SUN5: variants seen among roughly 807,000 people sequenced by gnomAD.
SUN5 encodes SUN domain-containing protein 5.
A neutral mutation model predicts 53.7 loss-of-function variants in SUN5; 44 were observed. The observed-to-expected ratio is 0.82, with a 90% CI of 0.64 to 1.05. The LOEUF is 1.05. SUN5 is among the 50% of genes least tolerant of loss of function. The pLI, the probability that SUN5 is intolerant of heterozygous loss-of-function variation, is 0.00. For synonymous variants in SUN5, 166 were observed against 179.8 expected (o/e 0.92, Z 0.62); for missense variants, 433 against 483.8 (o/e 0.90, Z 0.98).
chr20:32,997,500 G>A, intron 6 of SUN5, 138 bp downstream of exon 6: 1 of 803,600 alleles, frequency 1.2e-6, no homozygotes, highest in Non-Finnish European at 2.0e-6. Context: ...TACGATGAAG[G>A]GTGAGATTTG....
chr20:32,991,231 T>C (rs897499093), intron 8 of SUN5, among the ~76,000 whole-genome samples: 10 of 152,222 alleles, frequency 6.6e-5, no homozygotes, highest in African/African-American at 2.2e-4. Flanking sequence ...CGAGCTCTAG[T>C]TGATCCCCGA....
At position 32,985,082 on chromosome 20, in the gene SUN5, C is replaced by A; in HGVS notation, c.984+17G>T. 1.2e-6 allele frequency: 2 copies of A among 1,613,686 alleles called. No homozygotes were observed. Among genetic ancestry groups the A allele is most frequent in the Middle Eastern group, 1.6e-4 (1 of 6,062 alleles). On this transcript the variant is annotated intron_variant, in intron 12 of 12. Coordinates refer to ENST00000356173, the MANE Select transcript of SUN5 (RefSeq NM_080675.4). ...GCATTCAGCAGGTGCTCAGCACAGG[C>A]AGCTCTTCGCAGGTACCTGGAGTGG...
At chr20:33,004,116 G>T in intron 1 of SUN5, 148 bp downstream of exon 1, 1 of 792,224 alleles carries the variant, frequency 1.3e-6, no homozygotes, top group Non-Finnish European at 1.8e-6. Flanking sequence ...GGGAGACTTT[G>T]GGAATACCAC....
At chr20:33,001,544 T>TTCTTTCTTTCTTTCTTTCTTTC (rs1568970875) in intron 3 of SUN5, among the ~76,000 whole-genome samples, 92 of 138,704 alleles carry the variant, frequency 6.6e-4, no homozygotes, top group African/African-American at 2.8e-3. Context: ...CTTTCTTTCT[T>TTCTTTCTTTCTTTCTTTCTTTC]TCTTTCTTTC....
intron 1 of SUN5, 63 bp downstream of exon 1, chr20:33,004,201 G>T (rs113174388): frequency 6.7e-7 from 1 of 1,481,920 alleles, no homozygotes. Flanking sequence ...CAAGGACAGG[G>T]TGGAGGGGCA....
At chr20:32,997,823 A>G in intron 5 of SUN5, 136 bp from the exon 6 acceptor site, 1 of 778,986 alleles carries the variant, frequency 1.3e-6, no homozygotes, top group South Asian at 1.7e-5. Flanking sequence ...GAATTACTTA[A>G]TGCTCTATGC....
At position 32,985,857 on chromosome 20, in the gene SUN5, C is replaced by G; in HGVS notation, c.776G>C (p.Gly259Ala). Residue 259 changes from glycine (G) to alanine (A), a missense_variant, in exon 11 of 13, where the codon GGC (glycine) becomes GCC (alanine). By Grantham distance (60) the Gly-to-Ala change is moderately conservative (BLOSUM62 0). Coordinates refer to ENST00000356173, the MANE Select transcript of SUN5 (RefSeq NM_080675.4). ...CTGAGCCAATTGGATGGTCACCTGGCCGCGGTCACCCTCAAAGGCCCAGCA... is the reference window on the plus strand; with the variant it reads ...CTGAGCCAATTGGATGGTCACCTGGGCGCGGTCACCCTCAAAGGCCCAGCA... ...GNCWAFEGDRGQVTIQLAQKV... is the reference protein window; with the variant it reads ...GNCWAFEGDRAQVTIQLAQKV... 6.2e-7 allele frequency: 1 copy of G among 1,614,050 alleles called. No individual in the cohort carries two copies. The highest frequency in any genetic ancestry group is 8.5e-7 in the Non-Finnish European group (1 of 1,179,968).
intron 5 of SUN5, among the ~76,000 whole-genome samples, chr20:32,999,374 C>A (rs1739323919): frequency 1.3e-5 from 2 of 152,174 alleles, no homozygotes; most frequent in Non-Finnish European, 2.9e-5. Flanking sequence ...GTGGGTGGAT[C>A]ATGAGGTCAG....
intron 1 of SUN5, 140 bp downstream of exon 1, chr20:33,004,124 C>T: frequency 1.1e-6 from 1 of 892,440 alleles, no homozygotes; most frequent in Non-Finnish European, 1.5e-6. Context: ...TTGGGAATAC[C>T]ACTGCCAAAC....
At position 32,983,851 on chromosome 20, in the gene SUN5, G is replaced by A; in HGVS notation, c.1083C>T (p.Gly361=). The A allele has an allele frequency of 1.3e-6, 2 of 1,598,510 alleles. No individual in the cohort carries two copies. Among genetic ancestry groups the A allele is most frequent in the Non-Finnish European group, 1.7e-6 (2 of 1,172,032 alleles). The part of the protein sequence containing the change: ...FTCLYRVRVH[G]SVAPPREQPH... ...GCTGCTCTCTGGGCGGGGCCACAGA[G>A]CCATGCACTCGCACGCGGTACAGGC... Residue 361 remains glycine (G), a synonymous_variant, in exon 13 of 13, where the codon GGC becomes GGT. Coordinates refer to ENST00000356173, the MANE Select transcript of SUN5 (RefSeq NM_080675.4).
intron 5 of SUN5, among the ~76,000 whole-genome samples, chr20:32,998,118 C>T (rs150186404): frequency 0.036 from 4,657 of 130,362 alleles, 101 homozygotes; most frequent in Non-Finnish European, 0.05. Flanking sequence ...GCAGGCAGAT[C>T]ACTTAAGCCC....
rs2146344095 is a variant in SUN5, at chr20:33,004,371, A to G, written c.-31T>C. 1 of 1,534,270 alleles carries G rather than the reference A, an allele frequency of 6.5e-7. No homozygotes were observed. The highest frequency in any genetic ancestry group is 8.8e-7 in the Non-Finnish European group (1 of 1,138,518). On this transcript the variant is annotated 5_prime_UTR_variant, in exon 1 of 13. Transcript: ENST00000356173. ...TCCTTCTTTAGGATTGGGGATGGAGATGGGAACTCTGGGAGCTGGTGAGGA... is the reference window on the plus strand; with the variant it reads ...TCCTTCTTTAGGATTGGGGATGGAGGTGGGAACTCTGGGAGCTGGTGAGGA...
intron 6 of SUN5, 101 bp from the exon 7 acceptor site, chr20:32,996,459 A>T: frequency 9.4e-7 from 1 of 1,062,350 alleles, no homozygotes; most frequent in Non-Finnish European, 1.4e-6. Flanking sequence ...AAACCCATAC[A>T]TTCATCCACT....
chr20:32,995,473 T>C, intron 8 of SUN5, 146 bp downstream of exon 8: 1 of 659,862 alleles, frequency 1.5e-6, no homozygotes, highest in Non-Finnish European at 2.7e-6. Context: ...AAAAATATAC[T>C]TCTTTCACTG....
In SUN5 at chr20:33,001,225, A is replaced by G; in HGVS notation, c.265T>C (p.Phe89Leu). 1 of 1,575,660 alleles carries G rather than the reference A, an allele frequency of 6.3e-7. No homozygotes were observed. Among genetic ancestry groups the G allele is most frequent in the Non-Finnish European group, 8.6e-7 (1 of 1,158,192 alleles). ...TTCCCTGCTCACCTGCACGTGTTAA[A>G]CAGAACCTGCTGGGCCTGAGTTCTC... ...SLRTQAQQVL[F>L]NTCRCKLLCQ... is the part of the protein sequence containing the mutation. Residue 89 changes from phenylalanine (F) to leucine (L), a missense_variant, in exon 4 of 13, where the codon TTT (phenylalanine) becomes CTT (leucine). Transcript: ENST00000356173.
chr20:32,988,559 G>A (rs1600490733), intron 9 of SUN5, among the ~76,000 whole-genome samples: 6 of 151,786 alleles, frequency 4.0e-5, no homozygotes, highest in Admixed American at 3.3e-4. Flanking sequence ...TTATTCTTCC[G>A]GAAGCACTGA....
chr20:33,003,071 G>A, intron 1 of SUN5, 152 bp from the exon 2 acceptor site: 2 of 842,574 alleles, frequency 2.4e-6, no homozygotes, highest in Non-Finnish European at 3.7e-6. Flanking sequence ...ACCCAGGTCT[G>A]GCTGACCCCA....
Position 33,001,565 on chromosome 20 carries a change from T to TC in SUN5, c.212-288_212-287insG, listed in dbSNP as rs1568970948. ...TTCTTTCTTTCTTTCTTTCTTTCTTTTCTTCCTTCCTTCCTTTCTTTCTTT... is the reference window on the plus strand; with the variant it reads ...TTCTTTCTTTCTTTCTTTCTTTCTTTCTCTTCCTTCCTTCCTTTCTTTCTTT... On this transcript the variant is annotated intron_variant, in intron 3 of 12. Coordinates refer to ENST00000356173, the MANE Select transcript of SUN5 (RefSeq NM_080675.4). Among the ~76,000 whole-genome samples the TC allele has an allele frequency of 4.9e-4, 60 of 121,700 alleles. 1 individual carries two copies. Among genetic ancestry groups the TC allele is most frequent in the African/African-American group, 1.7e-3 (43 of 24,922 alleles). 79.8% of individuals were successfully genotyped at this position (121,700 alleles called of 152,430 possible).
intron 8 of SUN5, among the ~76,000 whole-genome samples, chr20:32,990,850 C>T (rs1258874958): frequency 6.6e-6 from 1 of 152,188 alleles, no homozygotes; most frequent in African/African-American, 2.4e-5. Flanking sequence ...TCCTAACCCA[C>T]AGAATCTCTG....
Sources: gnomAD v4.1 joint callset for allele counts (sites outside exome capture counted in the v4.1 genomes callset) on GRCh38, gnomAD v4.1.1 for gene constraint, MANE v1.5 for transcripts, NCBI Gene and HGNC (gene_info 2026-07-23, HGNC 2026-07-21) for gene names.